Variants in FRMPD4 observed in about 807,000 individuals in gnomAD.
FRMPD4 encodes the protein FERM and PDZ domain-containing protein 4.
Under a neutral mutation model 94.1 loss-of-function variants are expected in FRMPD4, and 22 were observed. The ratio of observed to expected loss-of-function variants is 0.23; its 90% confidence interval spans 0.17 to 0.33. The LOEUF (loss-of-function observed/expected upper bound fraction) is 0.33, where lower values mean the gene tolerates loss of function less well. FRMPD4 is among the 10% of genes least tolerant of loss of function. The probability of loss-of-function intolerance (pLI) is 1.00; values close to 1 mark genes in which losing one functional copy is unlikely to be tolerated. For synonymous variants in FRMPD4, 631 were observed against 548.6 expected (o/e 1.15, Z -2.10); for missense variants, 1,111 against 1,339.9 (o/e 0.83, Z 2.67).
intron 4 of FRMPD4, among the ~76,000 whole-genome samples, chrX:12,651,097 A>G (rs780134909): frequency 1.5e-4 from 17 of 112,655 alleles, no homozygotes; most frequent in Non-Finnish European, 3.0e-4. Context: ...AAAGTATGCC[A>G]ACAAGATGGA....
At position 12,531,745 on chromosome X, in the gene FRMPD4, G is replaced by A. The variant is rs757063441; in HGVS notation, c.158+32949G>A. 1.6e-4 allele frequency among the ~76,000 whole-genome samples: 18 copies of A among 110,798 alleles called. No homozygotes were observed. In the South Asian group the frequency reaches 6.6e-3, roughly 41 times the overall value. ...CTACCCCTGCTCATAATCTCCCTGG[G>A]TGATTTTATATTATCTATCCCTTCT... On this transcript the variant is annotated intron_variant, in intron 2 of 16. Transcript: ENST00000675598.
intron 14 of FRMPD4, among the ~76,000 whole-genome samples, chrX:12,711,373 A>G (rs947396356): frequency 2.2e-4 from 25 of 111,765 alleles, no homozygotes; most frequent in Admixed American, 9.4e-5. Flanking sequence ...ATTCTTCCAC[A>G]TTGGCAGCCA....
chrX:12,232,084 G>C, intron 1 of FRMPD4, among the ~76,000 whole-genome samples: 1 of 111,537 alleles, frequency 9.0e-6, no homozygotes, highest in Non-Finnish European at 1.9e-5. Context: ...ATGGTCACCT[G>C]TAAGAACCTG....
At chrX:12,015,933 T>C (rs759829233) in intron 3 of FRMPD4, among the ~76,000 whole-genome samples, 2 of 112,345 alleles carry the variant, frequency 1.8e-5, no homozygotes, top group South Asian at 7.4e-4. Context: ...ACCATACTCA[T>C]TGGGGCTTTA....
intron 1 of FRMPD4, among the ~76,000 whole-genome samples, chrX:12,380,987 G>A (rs1003617965): frequency 3.6e-5 from 4 of 111,673 alleles, no homozygotes; most frequent in African/African-American, 1.3e-4. Flanking sequence ...ATGAGTCTGG[G>A]GGCTTCTGTC....
chrX:11,911,764 T>C (rs1569123886), intron 3 of FRMPD4, among the ~76,000 whole-genome samples: 1 of 112,119 alleles, frequency 8.9e-6, no homozygotes, highest in Non-Finnish European at 1.9e-5. Flanking sequence ...ATGATAATGA[T>C]AGGTGGGAAA....
At chrX:12,328,194 T>A (rs1455564241) in intron 1 of FRMPD4, among the ~76,000 whole-genome samples, 2 of 112,166 alleles carry the variant, frequency 1.8e-5, no homozygotes, top group African/African-American at 6.5e-5. Context: ...AGAAAATAAG[T>A]CCCTGGGTAA....
intron 1 of FRMPD4, among the ~76,000 whole-genome samples, chrX:11,854,103 C>A (rs2053640966): frequency 8.9e-6 from 1 of 111,870 alleles, no homozygotes; most frequent in Non-Finnish European, 1.9e-5. Flanking sequence ...GAAGGCACCT[C>A]TTCACAGGGC....
intron 1 of FRMPD4, among the ~76,000 whole-genome samples, chrX:11,858,729 G>A (rs958410376): frequency 9.0e-6 from 1 of 111,148 alleles, no homozygotes; most frequent in African/African-American, 3.3e-5. Context: ...GCTTATTATA[G>A]TCATCCTGTT....
intron 2 of FRMPD4, among the ~76,000 whole-genome samples, chrX:12,591,572 T>C (rs771269685): frequency 3.0e-4 from 34 of 112,443 alleles, no homozygotes; most frequent in South Asian, 7.4e-4. Flanking sequence ...ATCAGCCATG[T>C]TCATTATTTA....
At chrX:12,009,344 A>T (rs2054570193) in intron 3 of FRMPD4, among the ~76,000 whole-genome samples, 1 of 112,610 alleles carries the variant, frequency 8.9e-6, no homozygotes. Context: ...TTATTTTTTT[A>T]AAATTCCTAC....
chrX:12,624,958 A>G (rs1489075762), intron 4 of FRMPD4, among the ~76,000 whole-genome samples: 1 of 111,766 alleles, frequency 8.9e-6, no homozygotes, highest in Non-Finnish European at 1.9e-5. Flanking sequence ...GAATAATCCA[A>G]TTAAAAGTGG....
At chrX:12,702,759 C>T (rs2041810685) in intron 10 of FRMPD4, among the ~76,000 whole-genome samples, 1 of 112,498 alleles carries the variant, frequency 8.9e-6, no homozygotes, top group African/African-American at 3.2e-5. Flanking sequence ...TGACAACTCT[C>T]AGTCACCTGT....
chrX:12,443,933 C>G (rs1238416932), intron 1 of FRMPD4, among the ~76,000 whole-genome samples: 2 of 111,922 alleles, frequency 1.8e-5, no homozygotes, highest in African/African-American at 6.5e-5. Context: ...CGTCATTTCT[C>G]TACTTTCTGA....
intron 1 of FRMPD4, among the ~76,000 whole-genome samples, chrX:12,252,794 T>C (rs1486069279): frequency 9.8e-5 from 11 of 112,050 alleles, no homozygotes; most frequent in South Asian, 7.5e-4. Flanking sequence ...GGTTTGACTG[T>C]TGTGGGAGGG....
intron 3 of FRMPD4, among the ~76,000 whole-genome samples, chrX:11,954,835 G>T (rs1318310471): frequency 1.8e-5 from 2 of 109,992 alleles, no homozygotes; most frequent in African/African-American, 3.3e-5. Flanking sequence ...TGACCTTGTT[G>T]GTGTCCTTGG....
At chrX:11,911,975 G>A (rs150568466) in intron 3 of FRMPD4, among the ~76,000 whole-genome samples, 3,479 of 111,627 alleles carry the variant, frequency 0.031, 79 homozygotes, top group African/African-American at 0.076. Flanking sequence ...TCCTGGCTCT[G>A]TTTGTGGGTT....
chrX:12,205,401 A>G (rs1332703742), intron 1 of FRMPD4, among the ~76,000 whole-genome samples: 1 of 112,256 alleles, frequency 8.9e-6, no homozygotes, highest in Non-Finnish European at 1.9e-5. Context: ...TTTATATACA[A>G]TACATTTATA....
chrX:11,983,274 C>T (rs763083632), intron 3 of FRMPD4, among the ~76,000 whole-genome samples: 11 of 112,131 alleles, frequency 9.8e-5, no homozygotes, highest in African/African-American at 3.6e-4. Context: ...TTTTTATTCA[C>T]ATTTACACTA....
Sources: gnomAD v4.1 joint callset for allele counts (sites outside exome capture counted in the v4.1 genomes callset) on GRCh38, gnomAD v4.1.1 for gene constraint, MANE v1.5 for transcripts, NCBI Gene and HGNC (gene_info 2026-07-23, HGNC 2026-07-21) for gene names.